DPP10: variants seen among roughly 807,000 people sequenced by gnomAD.
The protein encoded by DPP10 is dipeptidyl peptidase like 10.
DPP10 carries 33 observed loss-of-function variants against 120.9 expected under a neutral mutation model. The observed-to-expected ratio is 0.27, with a 90% CI of 0.21 to 0.37. DPP10 has a LOEUF of 0.37. Ranked by LOEUF, DPP10 falls within the 10% of genes least tolerant of loss-of-function variation. The pLI is 1.00. For synonymous variants in DPP10, 337 were observed against 326.1 expected (o/e 1.03, Z -0.36); for missense variants, 816 against 942.8 (o/e 0.87, Z 1.76).
intron 12 of DPP10, among the ~76,000 whole-genome samples, chr2:115,767,202 C>A (rs1680868204): frequency 6.6e-6 from 1 of 151,808 alleles, no homozygotes; most frequent in Non-Finnish European, 1.5e-5. Context: ...GTACAAGAGC[C>A]CTGGAGCAGG....
intron 5 of DPP10, among the ~76,000 whole-genome samples, chr2:115,574,902 C>G (rs922850358): frequency 6.6e-6 from 1 of 152,168 alleles, no homozygotes; most frequent in Non-Finnish European, 1.5e-5. Context: ...AGTTTGTGGT[C>G]ATCACTGTGT....
chr2:114,629,831 C>T (rs1694786758), intron 1 of DPP10, among the ~76,000 whole-genome samples: 1 of 152,038 alleles, frequency 6.6e-6, no homozygotes, highest in Non-Finnish European at 1.5e-5. Flanking sequence ...TTCATAGTAA[C>T]TTTTTAAAAT....
At chr2:114,936,255 C>G (rs938050439) in intron 1 of DPP10, among the ~76,000 whole-genome samples, 21 of 152,132 alleles carry the variant, frequency 1.4e-4, no homozygotes, top group African/African-American at 4.6e-4. Context: ...TTTTCCATTC[C>G]TGAGTTGCTT....
intron 1 of DPP10, among the ~76,000 whole-genome samples, chr2:114,471,867 G>A (rs937388219): frequency 6.6e-6 from 1 of 152,180 alleles, no homozygotes; most frequent in Non-Finnish European, 1.5e-5. Flanking sequence ...GTGAAATTTA[G>A]TACTATCAAG....
intron 15 of DPP10, among the ~76,000 whole-genome samples, chr2:115,778,746 A>G (rs1385093471): frequency 4.0e-5 from 6 of 151,510 alleles, no homozygotes; most frequent in Non-Finnish European, 2.9e-5. Flanking sequence ...TCACCCCCAC[A>G]CTCTTATTTA....
intron 1 of DPP10, among the ~76,000 whole-genome samples, chr2:115,213,182 C>T (rs1288986321): frequency 1.3e-5 from 2 of 152,102 alleles, no homozygotes; most frequent in African/African-American, 2.4e-5. Context: ...GGGTGTATAT[C>T]TCCCCTTGCC....
intron 1 of DPP10, among the ~76,000 whole-genome samples, chr2:114,989,129 G>C (rs560133779): frequency 6.6e-6 from 1 of 152,142 alleles, no homozygotes; most frequent in African/African-American, 2.4e-5. Flanking sequence ...GGACTGAGGG[G>C]TGAGGTCAGG....
At chr2:114,682,233 G>T (rs889797945) in intron 1 of DPP10, among the ~76,000 whole-genome samples, 1 of 151,970 alleles carries the variant, frequency 6.6e-6, no homozygotes, top group African/African-American at 2.4e-5. Context: ...CTGTTTTTCT[G>T]TGTAGCATGG....
Position 115,780,901 on chromosome 2 carries a change from C to A in DPP10, c.1389C>A (p.Arg463=), listed in dbSNP as rs1682682369. ...YSASTEGLLN[R]QCISCNFMKE... is the part of the protein sequence containing the mutation. ...CTTCTACTGAAGGATTATTGAATCG[C>A]CAATGCATTTCATGTAATTTCATGA... is the stretch of plus-strand genomic sequence containing the variant. Residue 463 remains arginine (R), a synonymous_variant, in exon 16 of 26, where the codon CGC becomes CGA. Coordinates refer to ENST00000410059, the MANE Select transcript of DPP10 (RefSeq NM_020868.6). 1 of 1,602,876 alleles carries A rather than the reference C, an allele frequency of 6.2e-7. No individual in the cohort carries two copies. Among genetic ancestry groups the A allele is most frequent in the African/African-American group, 1.3e-5 (1 of 74,602 alleles).
At chr2:114,632,072 T>C (rs1031955654) in intron 1 of DPP10, among the ~76,000 whole-genome samples, 15 of 152,200 alleles carry the variant, frequency 9.9e-5, no homozygotes, top group African/African-American at 2.4e-4. Context: ...CTATCCCTTA[T>C]ATTTTCTGTA....
chr2:115,479,831 G>A (rs556892277), intron 3 of DPP10, among the ~76,000 whole-genome samples: 2 of 152,206 alleles, frequency 1.3e-5, no homozygotes, highest in South Asian at 4.2e-4. Flanking sequence ...TTAGCCATAT[G>A]CTGTTGTGCT....
chr2:115,543,279 T>C (rs1329258663), intron 5 of DPP10, among the ~76,000 whole-genome samples: 1 of 152,030 alleles, frequency 6.6e-6, no homozygotes, highest in Admixed American at 6.6e-5. Flanking sequence ...AAGTCAAGTC[T>C]CAGTCTTTCA....
chr2:114,661,080 A>C (rs1400731692), intron 1 of DPP10, among the ~76,000 whole-genome samples: 1 of 152,220 alleles, frequency 6.6e-6, no homozygotes, highest in Non-Finnish European at 1.5e-5. Context: ...GTGGTTGTAG[A>C]TTATAGTTTC....
intron 1 of DPP10, among the ~76,000 whole-genome samples, chr2:114,683,312 G>A (rs1368189657): frequency 2.6e-5 from 4 of 151,818 alleles, no homozygotes; most frequent in Non-Finnish European, 5.9e-5. Flanking sequence ...CAGATGCTGT[G>A]CTAAACATGA....
At chr2:114,705,275 CT>C in intron 1 of DPP10, among the ~76,000 whole-genome samples, 1 of 152,150 alleles carries the variant, frequency 6.6e-6, no homozygotes, top group African/African-American at 2.4e-5. Flanking sequence ...AGCCCAGTAC[CT>C]TTTAAATAGC....
chr2:115,402,146 C>T (rs1028379245), intron 3 of DPP10, among the ~76,000 whole-genome samples: 6 of 152,112 alleles, frequency 3.9e-5, no homozygotes, highest in Non-Finnish European at 1.5e-5. Flanking sequence ...CACCTCGTTG[C>T]CCTTTCTCTA....
At chr2:115,827,480 T>A (rs1343552542) in intron 21 of DPP10, among the ~76,000 whole-genome samples, 1 of 146,990 alleles carries the variant, frequency 6.8e-6, no homozygotes, top group Non-Finnish European at 1.5e-5. Flanking sequence ...TTTCTCTATT[T>A]CTGACCTTTA....
chr2:115,729,063 C>T (rs189458595), intron 8 of DPP10, among the ~76,000 whole-genome samples: 44 of 151,952 alleles, frequency 2.9e-4, no homozygotes, highest in South Asian at 2.1e-4. Flanking sequence ...AGAGCTTCCC[C>T]GAAAATATTA....
chr2:114,748,280 C>T (rs751889030), intron 1 of DPP10, among the ~76,000 whole-genome samples: 21 of 148,664 alleles, frequency 1.4e-4, no homozygotes, highest in African/African-American at 4.7e-4. Context: ...TTTATGGACC[C>T]GTGAGAAACA....
Sources: allele counts gnomAD v4.1 joint callset (sites outside exome capture counted in the v4.1 genomes callset), GRCh38; gene constraint gnomAD v4.1.1; transcripts MANE v1.5; gene names NCBI Gene and HGNC (gene_info 2026-07-23, HGNC 2026-07-21).